The following UTP3 variants were observed in gnomAD, a reference collection of about 807,000 sequenced individuals.
UTP3 encodes the protein something about silencing protein 10.
A neutral mutation model predicts 37.9 loss-of-function variants in UTP3; 19 were observed. The ratio of observed to expected loss-of-function variants is 0.50; its 90% CI spans 0.35 to 0.74. The LOEUF is 0.74. UTP3 is among the 30% of genes least tolerant of loss of function. The pLI is 0.01. For missense variants in UTP3, 504 were observed against 570.7 expected (o/e 0.88, Z 1.19); for synonymous variants, 242 against 218.5 (o/e 1.11, Z -0.95).
In UTP3 at chr4:70,690,134, A is replaced by G. The variant is rs1304540661; in HGVS notation, c.*17A>G. On this transcript the variant is annotated 3_prime_UTR_variant, in exon 1 of 1. Coordinates refer to ENST00000254803, the MANE Select transcript of UTP3 (RefSeq NM_020368.3). ...CTTAAATGAAGTTTTTGCTTAGCAT[A>G]AGGTTTTTGGCAGTTTTGGATCAAT... The G allele has an allele frequency of 6.4e-7, 1 of 1,563,284 alleles. No homozygotes were observed. Among genetic ancestry groups the G allele is most frequent in the Non-Finnish European group, 8.6e-7 (1 of 1,159,500 alleles).
In UTP3 at chr4:70,688,980, G is replaced by T. The variant is rs754261878; in HGVS notation, c.303G>T (p.Glu101Asp). 6.3e-7 allele frequency: 1 copy of T among 1,597,734 alleles called. No individual in the cohort carries two copies. The highest frequency in any genetic ancestry group is 8.5e-7 in the Non-Finnish European group (1 of 1,170,654). Residue 101 changes from glutamate (E) to aspartate (D), a missense_variant, in exon 1 of 1, where the codon GAG becomes GAT. Coordinates refer to ENST00000254803, the MANE Select transcript of UTP3 (RefSeq NM_020368.3). ...DDEDGGNAGE[E>D]EEEENADDDG... ...AAGATGGAGGGAATGCGGGGGAGGA[G>T]GAGGAGGAGGAGAATGCCGATGATG...
Position 70,688,599 on chromosome 4 carries a change from A to G in UTP3, c.-79A>G. 1 of 1,437,760 alleles carries G rather than the reference A, an allele frequency of 7.0e-7. No individual in the cohort carries two copies. Among genetic ancestry groups the G allele is most frequent in the Non-Finnish European group, 9.4e-7 (1 of 1,068,616 alleles). 89.1% of individuals were successfully genotyped at this position (1,437,760 alleles called of 1,614,324 possible). On this transcript the variant is annotated 5_prime_UTR_variant, in exon 1 of 1. Transcript: ENST00000254803. ...GCGCTGCTGTTTAGAGCCACGAGTT[A>G]CCGGAGCGCCTGATTCCTGCGCCGA...
In UTP3 at chr4:70,689,787, T is replaced by C. The variant is rs1363927897; in HGVS notation, c.1110T>C (p.Phe370=). Residue 370 remains phenylalanine, a synonymous_variant, in exon 1 of 1, where the codon TTT becomes TTC. Transcript: ENST00000254803. ...AVTDLSDDSD[F]DEKAKLKYYK... is the part of the protein sequence containing the mutation. Reference sequence around the variant, plus strand: ...CAGATCTTTCTGATGATTCTGATTTTGATGAAAAAGCAAAACTGAAGTACT... The same window carrying C: ...CAGATCTTTCTGATGATTCTGATTTCGATGAAAAAGCAAAACTGAAGTACT... 11 of 1,613,018 alleles carry C rather than the reference T, an allele frequency of 6.8e-6. No homozygotes were observed. Among genetic ancestry groups the C allele is most frequent in the Non-Finnish European group, 9.3e-6 (11 of 1,179,788 alleles).
rs772629895 is a variant in UTP3 at position 70,689,307 on chromosome 4, T to G, written c.630T>G (p.Val210=). 7 of 1,613,990 alleles carry G rather than the reference T, an allele frequency of 4.3e-6. No individual in the cohort carries two copies. In the South Asian group the frequency reaches 7.7e-5, roughly 18 times the overall value. Residue 210 remains valine, a synonymous_variant, in exon 1 of 1, where the codon GTT becomes GTG. Coordinates refer to ENST00000254803, the MANE Select transcript of UTP3 (RefSeq NM_020368.3). ...GGGTCGTGAAGGATTTGGCTAAAGT[T>G]TCAGTGAAAGAGAAGCTGAAAATGT... ...ETRVVKDLAK[V]SVKEKLKMLR...
Position 70,688,950 on chromosome 4 carries a change from C to A in UTP3, c.273C>A (p.Asp91Glu), listed in dbSNP as rs773357399. Residue 91 changes from aspartate (D) to glutamate (E), a missense_variant, in exon 1 of 1, where the codon GAC (aspartate) becomes GAA (glutamate). By Grantham distance (45) the Asp-to-Glu change is conservative (BLOSUM62 2). Coordinates refer to ENST00000254803, the MANE Select transcript of UTP3 (RefSeq NM_020368.3). The part of the protein sequence containing the change: ...EVLALDMDDE[D>E]DEDGGNAGEE... ...TAGCCCTAGATATGGACGATGAGGA[C>A]GACGAAGATGGAGGGAATGCGGGGG... The A allele has an allele frequency of 1.2e-6, 2 of 1,606,580 alleles. No individual in the cohort carries two copies. Among genetic ancestry groups the A allele is most frequent in the South Asian group, 1.1e-5 (1 of 90,348 alleles).
Position 70,690,184 on chromosome 4 carries a change from A to C in UTP3, c.*67A>C. 6.8e-7 allele frequency: 1 copy of C among 1,463,106 alleles called. No individual in the cohort carries two copies. Among genetic ancestry groups the C allele is most frequent in the African/African-American group, 1.5e-5 (1 of 67,568 alleles). The allele number at this position is 1,463,106 out of a possible 1,614,324, so 90.6% of individuals were successfully genotyped here. A position where few individuals can be genotyped will look rare whatever the true frequency, so the allele number is the denominator to read the frequency against. Reference sequence around the variant, plus strand: ...TAAATTTTTACTTTTAACTAAAGTCATTGTATTAATATATAATACTTTAAA... The same window carrying C: ...TAAATTTTTACTTTTAACTAAAGTCCTTGTATTAATATATAATACTTTAAA... On this transcript the variant is annotated 3_prime_UTR_variant, in exon 1 of 1. Transcript: ENST00000254803.
rs895166527 is a variant in UTP3 at position 70,688,619 on chromosome 4, C to T, written c.-59C>T. 32 of 1,517,338 alleles carry T rather than the reference C, an allele frequency of 2.1e-5. No individual in the cohort carries two copies. The highest frequency in any genetic ancestry group is 2.7e-5 in the Non-Finnish European group (30 of 1,128,432). 94.0% of individuals were successfully genotyped at this position (1,517,338 alleles called of 1,614,324 possible). ...GAGTTACCGGAGCGCCTGATTCCTG[C>T]GCCGAAGTCAGTGGTGGCCGAAAGT... On this transcript the variant is annotated 5_prime_UTR_variant, in exon 1 of 1. Transcript: ENST00000254803.
rs1299006395 is a variant in UTP3, at chr4:70,689,260, C to T, written c.583C>T (p.Gln195Ter). Residue 195 changes from glutamine to a stop codon, truncating the protein, a stop_gained, in exon 1 of 1, where the codon CAG becomes TAG. Coordinates refer to ENST00000254803, the MANE Select transcript of UTP3 (RefSeq NM_020368.3). LOFTEE classifies it high-confidence loss of function. The stretch of plus-strand genomic sequence containing the variant: ...TGAGGCCTTTGCAAAACCAGTGCCT[C>T]AGGTAGATGAGGCTGAGACACGGGT... ...WVEAFAKPVPQVDEAETRVVK... is the reference protein window; with the variant it reads ...WVEAFAKPVP 6.2e-7 allele frequency: 1 copy of T among 1,614,022 alleles called. No homozygotes were observed. The highest frequency in any genetic ancestry group is 8.5e-7 in the Non-Finnish European group (1 of 1,180,046).
chr4:70,690,278 A>G lies in UTP3; in HGVS notation c.*161A>G. On this transcript the variant is annotated 3_prime_UTR_variant, in exon 1 of 1. Transcript: ENST00000254803. ...GACAATTTATAAGAACTATGGGAGC[A>G]ATATGAAGGTGCTTGAGAAAAGAGA... 3.0e-6 allele frequency: 2 copies of G among 673,208 alleles called. No homozygotes were observed. Among genetic ancestry groups the G allele is most frequent in the South Asian group, 5.4e-5 (1 of 18,464 alleles). The allele number at this position is 673,208 out of a possible 1,614,324, so 41.7% of individuals were successfully genotyped here.
chr4:70,689,915 A>G lies in UTP3; in HGVS notation c.1238A>G (p.Tyr413Cys). 1 of 1,613,840 alleles carries G rather than the reference A, an allele frequency of 6.2e-7. No homozygotes were observed. The highest frequency in any genetic ancestry group is 8.5e-7 in the Non-Finnish European group (1 of 1,179,966). The change falls in exon 1 of 1, where the codon TAT (tyrosine) becomes TGT (cysteine). Residue 413 changes from tyrosine (Y) to cysteine (C), a missense_variant. Physicochemically the swap from Tyr to Cys is radical, Grantham distance 194. Coordinates refer to ENST00000254803, the MANE Select transcript of UTP3 (RefSeq NM_020368.3). ...EDQNAKRAIT[Y>C]QIAKNRGLTP... is the part of the protein sequence containing the mutation. ...CAAAATGCAAAGAGAGCTATTACCTATCAAATTGCTAAAAATAGGGGACTT... is the reference window on the plus strand; with the variant it reads ...CAAAATGCAAAGAGAGCTATTACCTGTCAAATTGCTAAAAATAGGGGACTT...
chr4:70,688,828 T>A lies in UTP3; in HGVS notation c.151T>A (p.Phe51Ile). Residue 51 changes from phenylalanine (F) to isoleucine (I), a missense_variant, in exon 1 of 1, where the codon TTT becomes ATT. Coordinates refer to ENST00000254803, the MANE Select transcript of UTP3 (RefSeq NM_020368.3). ...TSYYQDQVDD[F>I]HEARSRAALA... ...CTACTACCAAGATCAGGTAGATGAC[T>A]TTCATGAGGCACGATCCCGGGCCGC... 6.2e-7 allele frequency: 1 copy of A among 1,614,068 alleles called. No individual in the cohort carries two copies. The highest frequency in any genetic ancestry group is 1.3e-5 in the African/African-American group (1 of 75,006).
chr4:70,689,613 C>G lies in UTP3; in HGVS notation c.936C>G (p.Ser312=). 1 of 1,614,142 alleles carries G rather than the reference C, an allele frequency of 6.2e-7. No homozygotes were observed. Among genetic ancestry groups the G allele is most frequent in the Non-Finnish European group, 8.5e-7 (1 of 1,180,014 alleles). Residue 312 remains serine, a synonymous_variant, in exon 1 of 1, where the codon TCC becomes TCG. Coordinates refer to ENST00000254803, the MANE Select transcript of UTP3 (RefSeq NM_020368.3). ...ACCGAAATTTGATCAACAAGCTGTCCGTTGTGGATCAGAAGCTGTCCTCAG... is the reference window on the plus strand; with the variant it reads ...ACCGAAATTTGATCAACAAGCTGTCGGTTGTGGATCAGAAGCTGTCCTCAG... ...VTYRNLINKL[S]VVDQKLSSEI...
rs2148536801 is a variant in UTP3 at position 70,690,479 on chromosome 4, A to G, written c.*362A>G. The G allele has an allele frequency of 5.8e-6, 1 of 173,148 alleles. No homozygotes were observed. Among genetic ancestry groups the G allele is most frequent in the African/African-American group, 2.4e-5 (1 of 41,720 alleles). 10.7% of individuals were successfully genotyped at this position (173,148 alleles called of 1,614,324 possible). ...TAAGGCAGCCTATAAAATAGTTCTGAAGTATTTTATTTACCTAACTATAAT... is the reference window on the plus strand; with the variant it reads ...TAAGGCAGCCTATAAAATAGTTCTGGAGTATTTTATTTACCTAACTATAAT... On this transcript the variant is annotated 3_prime_UTR_variant, in exon 1 of 1. Transcript: ENST00000254803.
rs149285635 is a variant in UTP3 at position 70,689,037 on chromosome 4, G to C, written c.360G>C (p.Glu120Asp). The C allele has an allele frequency of 6.3e-5, 100 of 1,588,406 alleles. No homozygotes were observed. The highest frequency in any genetic ancestry group is 8.1e-5 in the Non-Finnish European group (94 of 1,166,370). The change falls in exon 1 of 1, where the codon GAG becomes GAC. Residue 120 changes from glutamate (E) to aspartate (D), a missense_variant. Physicochemically the swap from Glu to Asp is conservative, Grantham distance 45. Coordinates refer to ENST00000254803, the MANE Select transcript of UTP3 (RefSeq NM_020368.3). ...DGGSSVQSEA[E>D]ASVDPSLSWG... Reference sequence around the variant, plus strand: ...GGAGCTCCGTGCAAAGTGAAGCTGAGGCCTCTGTGGATCCCAGTTTGTCGT... The same window carrying C: ...GGAGCTCCGTGCAAAGTGAAGCTGACGCCTCTGTGGATCCCAGTTTGTCGT...
Position 70,689,005 on chromosome 4 carries a change from G to T in UTP3, c.328G>T (p.Asp110Tyr). Residue 110 changes from aspartate to tyrosine, a missense_variant, in exon 1 of 1, where the codon GAT (aspartate) becomes TAT (tyrosine). Transcript: ENST00000254803. Reference protein sequence around the residue: ...EEEEEENADDDGGSSVQSEAE... With the variant: ...EEEEEENADDYGGSSVQSEAE... Reference sequence around the variant, plus strand: ...GGAGGAGGAGGAGAATGCCGATGATGATGGTGGGAGCTCCGTGCAAAGTGA... The same window carrying T: ...GGAGGAGGAGGAGAATGCCGATGATTATGGTGGGAGCTCCGTGCAAAGTGA... 1 of 1,591,612 alleles carries T rather than the reference G, an allele frequency of 6.3e-7. No individual in the cohort carries two copies. Among genetic ancestry groups the T allele is most frequent in the Non-Finnish European group, 8.6e-7 (1 of 1,167,836 alleles).
Position 70,688,820 on chromosome 4 carries a change from T to TA in UTP3, c.144dup (p.Asp49ArgfsTer2). ...GACACCAGCTACTACCAAGATCAGG[T>TA]AGATGACTTTCATGAGGCACGATCC... On this transcript the variant is annotated frameshift_variant, in exon 1 of 1. Transcript: ENST00000254803. LOFTEE classifies it high-confidence loss of function. The TA allele has an allele frequency of 6.2e-7, 1 of 1,613,900 alleles. No individual in the cohort carries two copies. The highest frequency in any genetic ancestry group is 8.5e-7 in the Non-Finnish European group (1 of 1,180,014).
In UTP3 at chr4:70,689,577, G is replaced by A. The variant is rs1316015121; in HGVS notation, c.900G>A (p.Arg300=). 1.2e-6 allele frequency: 2 copies of A among 1,614,180 alleles called. No homozygotes were observed. The highest frequency in any genetic ancestry group is 4.5e-5 in the East Asian group (2 of 44,888). The change falls in exon 1 of 1, where the codon AGG becomes AGA. Residue 300 remains arginine, a synonymous_variant. Transcript: ENST00000254803. The stretch of plus-strand genomic sequence containing the variant: ...CACATGGACATCCTGTCATAGAAAG[G>A]CTTGTTACCTACCGAAATTTGATCA... ...VPAHGHPVIE[R]LVTYRNLINK...
Position 70,689,069 on chromosome 4 carries a change from A to G in UTP3, c.392A>G (p.Gln131Arg), listed in dbSNP as rs1739567507. The G allele has an allele frequency of 1.2e-6, 2 of 1,600,782 alleles. No homozygotes were observed. The highest frequency in any genetic ancestry group is 2.2e-5 in the East Asian group (1 of 44,746). Reference protein sequence around the residue: ...ASVDPSLSWGQRKKLYYDTDY... With the variant: ...ASVDPSLSWGRRKKLYYDTDY... The stretch of plus-strand genomic sequence containing the variant: ...GTGGATCCCAGTTTGTCGTGGGGTC[A>G]GAGGAAAAAACTTTACTATGACACG... Residue 131 changes from glutamine (Q) to arginine (R), a missense_variant, in exon 1 of 1, where the codon CAG (glutamine) becomes CGG (arginine). Coordinates refer to ENST00000254803, the MANE Select transcript of UTP3 (RefSeq NM_020368.3).
chr4:70,689,170 G>GCA lies in UTP3; in HGVS notation c.496_497dup (p.Gln166HisfsTer8), dbSNP rs1489028056. ...GGAGGAAAGAGAGGAGGAGGAGGAG[G>GCA]CACAGATCATTCAGCGGCGCCTAGC... is the stretch of plus-strand genomic sequence containing the variant. On this transcript the variant is annotated frameshift_variant, in exon 1 of 1. Coordinates refer to ENST00000254803, the MANE Select transcript of UTP3 (RefSeq NM_020368.3). LOFTEE classifies it high-confidence loss of function. The GCA allele has an allele frequency of 6.2e-7, 1 of 1,613,942 alleles. No homozygotes were observed. Among genetic ancestry groups the GCA allele is most frequent in the Non-Finnish European group, 8.5e-7 (1 of 1,180,006 alleles).
Sources: gnomAD v4.1 joint callset for allele counts on GRCh38, gnomAD v4.1.1 for gene constraint, MANE v1.5 for transcripts, NCBI Gene and HGNC (gene_info 2026-07-23, HGNC 2026-07-21) for gene names.